PDGFRB: variants seen among roughly 807,000 people sequenced by gnomAD.
PDGFRB encodes the protein platelet-derived growth factor receptor beta.
A neutral mutation model predicts 120.2 loss-of-function variants in PDGFRB; 42 were observed. The ratio of observed to expected loss-of-function variants is 0.35; its 90% CI spans 0.27 to 0.45. The LOEUF (loss-of-function observed/expected upper bound fraction) is 0.45. PDGFRB is among the 20% of genes least tolerant of loss of function. The probability of loss-of-function intolerance (pLI) is 1.00; values close to 1 mark genes in which losing one functional copy is unlikely to be tolerated. For synonymous variants in PDGFRB, 586 were observed against 606.8 expected, an observed-to-expected ratio of 0.97 and a Z score of 0.50; for missense variants, 1,149 against 1,476.3, an observed-to-expected ratio of 0.78 and a Z score of 3.63.
chr5:150,123,808 TC>T (rs1479765651), intron 14 of PDGFRB, among the ~76,000 whole-genome samples: 11 of 152,238 alleles, frequency 7.2e-5, no homozygotes, highest in Admixed American at 7.2e-4. Flanking sequence ...ACATTTTTTT[TC>T]AGCCTAACTG....
At chr5:150,136,741 G>C (rs1406817459) in intron 2 of PDGFRB, among the ~76,000 whole-genome samples, 1 of 152,190 alleles carries the variant, frequency 6.6e-6, no homozygotes, top group East Asian at 1.9e-4. Context: ...GTGTGGGCCA[G>C]AAGGTGGGAT....
rs1761215311 is a variant in PDGFRB, at chr5:150,155,773, TC to T, written c.-384del. ...GGCTCTCTCCTCCTCCTTGTTGATCTCCTCTCTGGCTCCAAGTTGCTCACAG... is the reference window on the plus strand; with the variant it reads ...GGCTCTCTCCTCCTCCTTGTTGATCTCTCTCTGGCTCCAAGTTGCTCACAG... On this transcript the variant is annotated 5_prime_UTR_variant, in exon 1 of 23. Coordinates refer to ENST00000261799, the MANE Select transcript of PDGFRB (RefSeq NM_002609.4). 2.5e-6 allele frequency: 1 copy of T among 398,292 alleles called. No homozygotes were observed. Among genetic ancestry groups the T allele is most frequent in the Non-Finnish European group, 4.4e-6 (1 of 226,062 alleles). 24.7% of individuals were successfully genotyped at this position (398,292 alleles called of 1,614,324 possible).
intron 1 of PDGFRB, among the ~76,000 whole-genome samples, chr5:150,150,637 G>A (rs1761052219): frequency 6.6e-6 from 1 of 152,118 alleles, no homozygotes. Context: ...GGTGGGCTCT[G>A]GGGCTAAGGC....
intron 1 of PDGFRB, among the ~76,000 whole-genome samples, chr5:150,143,425 C>T (rs535533312): frequency 6.6e-6 from 1 of 152,210 alleles, no homozygotes; most frequent in Admixed American, 6.5e-5. Flanking sequence ...GGGAAGGCAG[C>T]TGTGCTGAGC....
chr5:150,119,297 G>T (rs552993268), intron 20 of PDGFRB, among the ~76,000 whole-genome samples, 170 bp downstream of exon 20: 52 of 142,856 alleles, frequency 3.6e-4, no homozygotes, highest in Non-Finnish European at 3.9e-4. Flanking sequence ...AGAGCTCAGG[G>T]CTAGAACAAG....
intron 1 of PDGFRB, among the ~76,000 whole-genome samples, chr5:150,146,051 C>T (rs1760913390): frequency 6.6e-6 from 1 of 152,100 alleles, no homozygotes; most frequent in African/African-American, 2.4e-5. Flanking sequence ...TAGTACATTC[C>T]CTCTATTCAC....
At chr5:150,142,567 G>T (rs1009661464) in intron 1 of PDGFRB, among the ~76,000 whole-genome samples, 5 of 150,148 alleles carry the variant, frequency 3.3e-5, no homozygotes, top group Non-Finnish European at 7.4e-5. Context: ...AGGGGGGTTG[G>T]GGTGGGAAGT....
intron 3 of PDGFRB, among the ~76,000 whole-genome samples, 186 bp downstream of exon 3, chr5:150,135,369 G>A (rs1373653736): frequency 6.6e-6 from 1 of 152,152 alleles, no homozygotes; most frequent in Non-Finnish European, 1.5e-5. Context: ...CAGGGAGCAG[G>A]CAGATCACCC....
At chr5:150,136,817 C>T (rs927131046) in intron 2 of PDGFRB, among the ~76,000 whole-genome samples, 191 bp downstream of exon 2, 1 of 152,168 alleles carries the variant, frequency 6.6e-6, no homozygotes, top group Non-Finnish European at 1.5e-5. Flanking sequence ...CCCACTGACG[C>T]TTTCTGAGCT....
intron 14 of PDGFRB, 63 bp from the exon 15 acceptor site, chr5:150,123,264 G>A: frequency 1.5e-6 from 2 of 1,340,182 alleles, no homozygotes; most frequent in Non-Finnish European, 2.1e-6. Context: ...TCAAGGCCAT[G>A]AGGCTAATCA....
intron 1 of PDGFRB, among the ~76,000 whole-genome samples, chr5:150,139,609 T>A (rs1760727008): frequency 6.6e-6 from 1 of 152,164 alleles, no homozygotes; most frequent in African/African-American, 2.4e-5. Context: ...TCCATGACTA[T>A]TCAGCCACAG....
intron 11 of PDGFRB, 121 bp from the exon 12 acceptor site, chr5:150,125,698 A>G (rs1760275643): frequency 1.2e-6 from 1 of 866,258 alleles, no homozygotes; most frequent in African/African-American, 1.7e-5. Context: ...GGGCAGGGGC[A>G]TATTTGAAGT....
chr5:150,135,919 T>G, intron 2 of PDGFRB, 41 bp from the exon 3 acceptor site: 2 of 1,398,878 alleles, frequency 1.4e-6, no homozygotes, highest in South Asian at 1.4e-5. Context: ...AACAGGGGCT[T>G]CAGCACCTCT....
At chr5:150,119,018 C>T (rs1760050850) in intron 20 of PDGFRB, among the ~76,000 whole-genome samples, 166 bp from the exon 21 acceptor site, 1 of 152,194 alleles carries the variant, frequency 6.6e-6, no homozygotes, top group African/African-American at 2.4e-5. Context: ...TGGATATTCC[C>T]TTGGGAGGCC....
chr5:150,130,189 G>A (rs139481934), intron 9 of PDGFRB, among the ~76,000 whole-genome samples: 106 of 151,494 alleles, frequency 7.0e-4, no homozygotes, highest in Non-Finnish European at 9.1e-4. Flanking sequence ...TTTGACCCAC[G>A]GGGTCACACG....
chr5:150,119,885 G>A (rs1049735114), intron 19 of PDGFRB, 127 bp downstream of exon 19: 6 of 685,362 alleles, frequency 8.8e-6, no homozygotes, highest in African/African-American at 7.1e-5. Context: ...GAAGGTAGCA[G>A]AGCTGGGACC....
intron 1 of PDGFRB, among the ~76,000 whole-genome samples, chr5:150,138,110 C>T (rs1225183587): frequency 6.6e-6 from 1 of 152,206 alleles, no homozygotes; most frequent in Non-Finnish European, 1.5e-5. Context: ...TCCCAAGAGA[C>T]CACCAGGAGC....
chr5:150,116,562 T>C (rs1158637851), intron 22 of PDGFRB, among the ~76,000 whole-genome samples: 1 of 151,488 alleles, frequency 6.6e-6, no homozygotes, highest in Non-Finnish European at 1.5e-5. Flanking sequence ...TGAGCCGAGA[T>C]CGCGCCATTG....
At chr5:150,126,172 AG>A (rs1760286648) in intron 11 of PDGFRB, among the ~76,000 whole-genome samples, 1 of 152,244 alleles carries the variant, frequency 6.6e-6, no homozygotes. Flanking sequence ...GTAGAATCAC[AG>A]GTTCTCCATG....
Sources: gnomAD v4.1 joint callset for allele counts (sites outside exome capture counted in the v4.1 genomes callset) on GRCh38, gnomAD v4.1.1 for gene constraint, MANE v1.5 for transcripts, NCBI Gene and HGNC (gene_info 2026-07-23, HGNC 2026-07-21) for gene names.